The following CLSTN2 variants were observed in gnomAD, a reference collection of about 807,000 sequenced individuals.
CLSTN2 encodes calsyntenin 2.
A neutral mutation model predicts 101.2 loss-of-function variants in CLSTN2; 48 were observed. The ratio of observed to expected loss-of-function variants is 0.47; its 90% confidence interval spans 0.38 to 0.60. The LOEUF is 0.60. Ranked by LOEUF, CLSTN2 falls within the 20% of genes least tolerant of loss-of-function variation. The pLI is 0.00. For missense variants in CLSTN2, 1,160 were observed against 1,238.2 expected (o/e 0.94, Z 0.95); for synonymous variants, 481 against 463.6 (o/e 1.04, Z -0.48).
intron 2 of CLSTN2, among the ~76,000 whole-genome samples, chr3:140,314,351 C>A (rs1331408332): frequency 6.6e-6 from 1 of 152,292 alleles, no homozygotes; most frequent in African/African-American, 2.4e-5. Flanking sequence ...AATGCCAAGA[C>A]CCCTGGGACA....
chr3:140,208,833 A>G (rs1247764352), intron 2 of CLSTN2, among the ~76,000 whole-genome samples: 1 of 152,152 alleles, frequency 6.6e-6, no homozygotes, highest in Non-Finnish European at 1.5e-5. Flanking sequence ...CTCAGGGGGT[A>G]GTTGGGAGAA....
At chr3:140,268,625 TAGG>T (rs1360226245) in intron 2 of CLSTN2, among the ~76,000 whole-genome samples, 8 of 152,288 alleles carry the variant, frequency 5.3e-5, no homozygotes, top group East Asian at 1.9e-4. Context: ...TTGTGCAAAT[TAGG>T]AGAAGAGGTT....
chr3:140,088,329 C>A (rs373508479), intron 1 of CLSTN2, among the ~76,000 whole-genome samples: 1 of 152,184 alleles, frequency 6.6e-6, no homozygotes, highest in East Asian at 1.9e-4. Flanking sequence ...GAGTTCCAGA[C>A]AGTTTGTAAT....
intron 2 of CLSTN2, among the ~76,000 whole-genome samples, chr3:140,266,911 G>T (rs1576491776): frequency 6.6e-6 from 1 of 152,312 alleles, no homozygotes; most frequent in South Asian, 2.1e-4. Flanking sequence ...GTTAGTTGTT[G>T]TCTGGAATGC....
chr3:139,986,656 C>T (rs770459991), intron 1 of CLSTN2, among the ~76,000 whole-genome samples: 2 of 152,178 alleles, frequency 1.3e-5, no homozygotes, highest in Non-Finnish European at 2.9e-5. Context: ...TCTCCTCCAG[C>T]CCTTTATGGA....
At chr3:140,253,962 C>T (rs2086584393) in intron 2 of CLSTN2, among the ~76,000 whole-genome samples, 1 of 152,072 alleles carries the variant, frequency 6.6e-6, no homozygotes, top group Non-Finnish European at 1.5e-5. Context: ...AGTTGGGTGA[C>T]ATTTCACAGG....
At chr3:140,322,071 G>A (rs562418020) in intron 2 of CLSTN2, among the ~76,000 whole-genome samples, 1 of 152,334 alleles carries the variant, frequency 6.6e-6, no homozygotes, top group Non-Finnish European at 1.5e-5. Flanking sequence ...CCTGGGACAG[G>A]CACCTTGCTC....
intron 2 of CLSTN2, among the ~76,000 whole-genome samples, chr3:140,299,075 C>T (rs578017955): frequency 1.3e-5 from 2 of 152,338 alleles, no homozygotes; most frequent in African/African-American, 4.8e-5. Flanking sequence ...TTCCCCTCCA[C>T]TCAGCTAAGT....
At chr3:140,052,501 AC>A (rs904735777) in intron 1 of CLSTN2, among the ~76,000 whole-genome samples, 6 of 152,016 alleles carry the variant, frequency 3.9e-5, no homozygotes, top group Admixed American at 3.3e-4. Context: ...CCTGCTCCCC[AC>A]CCTGATTCTA....
intron 1 of CLSTN2, among the ~76,000 whole-genome samples, chr3:140,166,403 TA>T (rs1433084296): frequency 6.6e-6 from 1 of 152,196 alleles, no homozygotes; most frequent in Non-Finnish European, 1.5e-5. Flanking sequence ...TTAACCTTGT[TA>T]GAGCATTTTG....
chr3:140,244,354 T>A (rs1041676928), intron 2 of CLSTN2, among the ~76,000 whole-genome samples: 1 of 152,180 alleles, frequency 6.6e-6, no homozygotes, highest in Admixed American at 6.5e-5. Context: ...CATCACTGCC[T>A]TTCAGGGCAT....
At chr3:140,095,159 C>G (rs1165897725) in intron 1 of CLSTN2, among the ~76,000 whole-genome samples, 1 of 152,164 alleles carries the variant, frequency 6.6e-6, no homozygotes, top group Non-Finnish European at 1.5e-5. Context: ...TCCCTCAACA[C>G]CGTACCAGAG....
intron 1 of CLSTN2, among the ~76,000 whole-genome samples, chr3:139,963,797 G>A (rs1935550117): frequency 6.6e-6 from 1 of 152,232 alleles, no homozygotes; most frequent in South Asian, 2.1e-4. Flanking sequence ...TTGTGCAGTT[G>A]TCAGTATAGC....
intron 1 of CLSTN2, among the ~76,000 whole-genome samples, chr3:140,046,415 G>A (rs145743349): frequency 0.013 from 1,937 of 152,186 alleles, 48 homozygotes; most frequent in African/African-American, 0.042. Context: ...GTCTCTGCAC[G>A]TGAGATGGGT....
chr3:140,558,081 C>A (rs1263699958), intron 11 of CLSTN2, among the ~76,000 whole-genome samples: 1 of 152,218 alleles, frequency 6.6e-6, no homozygotes, highest in East Asian at 1.9e-4. Flanking sequence ...CTGTCTCAGA[C>A]CTCGCTCTTT....
intron 1 of CLSTN2, among the ~76,000 whole-genome samples, chr3:140,060,372 C>T (rs2008181581): frequency 6.6e-6 from 1 of 152,172 alleles, no homozygotes; most frequent in African/African-American, 2.4e-5. Flanking sequence ...CTATAGCTGC[C>T]TCACTGCCAA....
chr3:140,413,254 A>G (rs1254015083), intron 4 of CLSTN2, among the ~76,000 whole-genome samples: 1 of 152,220 alleles, frequency 6.6e-6, no homozygotes, highest in Non-Finnish European at 1.5e-5. Flanking sequence ...ATGGTAAGAG[A>G]CTGCTAAGAA....
chr3:140,085,587 C>T (rs2008667969), intron 1 of CLSTN2, among the ~76,000 whole-genome samples: 2 of 152,146 alleles, frequency 1.3e-5, no homozygotes, highest in South Asian at 4.1e-4. Flanking sequence ...AGAGCTGACA[C>T]AACTAGTTGT....
intron 2 of CLSTN2, among the ~76,000 whole-genome samples, chr3:140,384,077 T>A (rs576864584): frequency 1.9e-3 from 291 of 152,324 alleles, no homozygotes; most frequent in African/African-American, 6.8e-3. Flanking sequence ...GCAGCCAACC[T>A]TTCACGTTTA....
Sources: allele counts gnomAD v4.1 joint callset (sites outside exome capture counted in the v4.1 genomes callset), GRCh38; gene constraint gnomAD v4.1.1; transcripts MANE v1.5; gene names NCBI Gene and HGNC (gene_info 2026-07-23, HGNC 2026-07-21).